CSMD1: variants seen among roughly 807,000 people sequenced by gnomAD.
CSMD1 encodes CUB and Sushi multiple domains 1.
CSMD1 carries 213 observed loss-of-function variants against 417.5 expected under a neutral mutation model. That is an observed-to-expected ratio of 0.51 (90% CI 0.46 to 0.57). The LOEUF (loss-of-function observed/expected upper bound fraction) is 0.57, where lower values mean the gene tolerates loss of function less well. Ranked by LOEUF, CSMD1 falls within the 20% of genes least tolerant of loss-of-function variation. The pLI, the probability that CSMD1 is intolerant of heterozygous loss-of-function variation, is 0.00. For synonymous variants in CSMD1, 2,862 were observed against 1,736.8 expected (o/e 1.65, Z -16.11); for missense variants, 6,923 against 4,529.7 (o/e 1.53, Z -15.17).
At chr8:4,047,218 G>C (rs1484437430) in intron 3 of CSMD1, among the ~76,000 whole-genome samples, 1 of 152,126 alleles carries the variant, frequency 6.6e-6, no homozygotes. Flanking sequence ...GTGTATTTCA[G>C]TCTGACTCTA....
chr8:3,894,309 T>C (rs1807201038), intron 5 of CSMD1, among the ~76,000 whole-genome samples: 1 of 152,196 alleles, frequency 6.6e-6, no homozygotes, highest in Non-Finnish European at 1.5e-5. Context: ...CAGTCTCATC[T>C]TCACCACTGA....
chr8:3,383,107 CCACAAAT>C (rs1810743850), intron 18 of CSMD1, among the ~76,000 whole-genome samples: 1 of 25,038 alleles, frequency 4.0e-5, no homozygotes, highest in Admixed American at 4.7e-4. Context: ...TACCACAAAT[CCACAAAT>C]TTTTAGATGG....
chr8:3,881,480 C>CA (rs1367301497), intron 5 of CSMD1, among the ~76,000 whole-genome samples: 2 of 150,534 alleles, frequency 1.3e-5, no homozygotes, highest in Non-Finnish European at 3.0e-5. Context: ...ACTAAAAATA[C>CA]AAAAAAATTA....
chr8:4,118,547 T>C (rs1297537788), intron 3 of CSMD1, among the ~76,000 whole-genome samples: 3 of 152,062 alleles, frequency 2.0e-5, no homozygotes, highest in East Asian at 3.9e-4. Context: ...TGGGATACCA[T>C]CTCACGCCAG....
intron 1 of CSMD1, among the ~76,000 whole-genome samples, chr8:4,886,363 A>G (rs1422122855): frequency 6.6e-6 from 1 of 151,896 alleles, no homozygotes; most frequent in African/African-American, 2.4e-5. Flanking sequence ...TTATAAATGT[A>G]TATTCCTTAA....
At chr8:3,599,163 C>G (rs60218108) in intron 8 of CSMD1, among the ~76,000 whole-genome samples, 55,283 of 126,336 alleles carry the variant, frequency 0.44, 10,618 homozygotes, top group African/African-American at 0.6. Flanking sequence ...GTGTGTGTGT[C>G]TGTGTGTGTG....
Position 4,446,867 on chromosome 8 carries a change from C to T in CSMD1, c.303-26802G>A, listed in dbSNP as rs534812357. On this transcript the variant is annotated intron_variant, in intron 2 of 69. Coordinates refer to ENST00000635120, the MANE Select transcript of CSMD1 (RefSeq NM_033225.6). The stretch of plus-strand genomic sequence containing the variant: ...TGAACTCCTGACCTTGTGATCCACC[C>T]GCCTTGGCCTCCCAATGTTCTGGGA... Among the ~76,000 whole-genome samples, 211 of 151,610 alleles carry T rather than the reference C, an allele frequency of 1.4e-3. 1 individual carries two copies. Among genetic ancestry groups the T allele is most frequent in the Non-Finnish European group, 1.3e-3 (91 of 67,932 alleles).
chr8:3,393,554 C>T (rs1272590968), intron 17 of CSMD1, among the ~76,000 whole-genome samples: 4 of 152,042 alleles, frequency 2.6e-5, no homozygotes, highest in Admixed American at 1.3e-4. Context: ...ATATCCTTCA[C>T]CCACTTTCAC....
In CSMD1 at chr8:4,278,445, C is replaced by T. The variant is rs150734010; in HGVS notation, c.415+141508G>A. ...ACAATTACATCTGATGCTGCTATAG[C>T]TATATAAAATATAATTTTTTAACAT... On this transcript the variant is annotated intron_variant, in intron 3 of 69. Coordinates refer to ENST00000635120, the MANE Select transcript of CSMD1 (RefSeq NM_033225.6). Among the ~76,000 whole-genome samples, 284 of 152,254 alleles carry T rather than the reference C, an allele frequency of 1.9e-3. 1 individual carries two copies. Among genetic ancestry groups the T allele is most frequent in the African/African-American group, 6.0e-3 (251 of 41,544 alleles).
intron 5 of CSMD1, among the ~76,000 whole-genome samples, chr8:3,779,116 G>T (rs1417620433): frequency 6.6e-6 from 1 of 151,496 alleles, no homozygotes; most frequent in Non-Finnish European, 1.5e-5. Context: ...CTATTTTTCA[G>T]ATAAATAAAA....
intron 1 of CSMD1, among the ~76,000 whole-genome samples, chr8:4,740,869 G>A (rs1382193323): frequency 6.6e-6 from 1 of 152,176 alleles, no homozygotes; most frequent in Admixed American, 6.5e-5. Flanking sequence ...CTTCTTCCCT[G>A]AGACATCATG....
At chr8:4,772,463 C>T (rs542003836) in intron 1 of CSMD1, among the ~76,000 whole-genome samples, 10 of 152,268 alleles carry the variant, frequency 6.6e-5, no homozygotes, top group South Asian at 4.2e-4. Context: ...ATATCATGAG[C>T]GTCATCCGGT....
intron 1 of CSMD1, among the ~76,000 whole-genome samples, chr8:4,983,561 C>T (rs1310029076): frequency 6.6e-6 from 1 of 152,086 alleles, no homozygotes; most frequent in African/African-American, 2.4e-5. Context: ...TCACTCCTGT[C>T]GCCCAGGCTG....
intron 10 of CSMD1, among the ~76,000 whole-genome samples, chr8:3,539,454 G>A (rs1048814394): frequency 2.4e-4 from 36 of 152,182 alleles, no homozygotes; most frequent in African/African-American, 8.2e-4. Context: ...TTGGGTTTAT[G>A]TGTGTTCTAA....
chr8:3,982,324 C>G lies in CSMD1; in HGVS notation c.818+15579G>C, dbSNP rs552893095. On this transcript the variant is annotated intron_variant, in intron 5 of 69. Transcript: ENST00000635120. ...ATACAGCATAAATTACACAATCCTT[C>G]TCTGCCTCAATATTCTCACCTGCAA... is the stretch of plus-strand genomic sequence containing the variant. Among the ~76,000 whole-genome samples the G allele has an allele frequency of 4.6e-5, 7 of 151,934 alleles. No individual in the cohort carries two copies. The South Asian group carries it at 8.3e-4, about 18-fold the overall frequency.
intron 1 of CSMD1, among the ~76,000 whole-genome samples, chr8:4,654,484 C>T (rs967072539): frequency 6.6e-6 from 1 of 152,048 alleles, no homozygotes; most frequent in Admixed American, 6.5e-5. Context: ...TCTCTCCACC[C>T]TGGAAACGAA....
chr8:4,057,787 G>A (rs1188503336), intron 3 of CSMD1, among the ~76,000 whole-genome samples: 1 of 152,106 alleles, frequency 6.6e-6, no homozygotes, highest in Non-Finnish European at 1.5e-5. Context: ...TTAATAAATA[G>A]GGACTCCTTT....
intron 3 of CSMD1, among the ~76,000 whole-genome samples, chr8:4,146,037 G>A (rs1428664179): frequency 1.3e-5 from 2 of 150,714 alleles, no homozygotes; most frequent in Non-Finnish European, 2.9e-5. Context: ...GTTGGGGAGT[G>A]AACACTTAGC....
chr8:3,565,131 C>CAAAAA (rs869248314), intron 10 of CSMD1, among the ~76,000 whole-genome samples: 340 of 10,458 alleles, frequency 0.033, 50 homozygotes, highest in East Asian at 0.051. Flanking sequence ...TGCAAGACAG[C>CAAAAA]AAAAAAAAAA....
Sources: allele counts gnomAD v4.1 joint callset (sites outside exome capture counted in the v4.1 genomes callset), GRCh38; gene constraint gnomAD v4.1.1; transcripts MANE v1.5; gene names NCBI Gene and HGNC (gene_info 2026-07-23, HGNC 2026-07-21).